Variants in FBXO31 observed in about 807,000 individuals in gnomAD.
The protein encoded by FBXO31 is F-box protein 31.
Under a neutral mutation model 54.4 loss-of-function variants are expected in FBXO31, and 24 were observed. That is an observed-to-expected ratio of 0.44 (90% CI 0.32 to 0.62). FBXO31 has a LOEUF of 0.62. FBXO31 is among the 20% of genes least tolerant of loss of function. The pLI is 0.05. For synonymous variants in FBXO31, 388 were observed against 335.6 expected (o/e 1.16, Z -1.71); for missense variants, 665 against 787.1 (o/e 0.84, Z 1.86).
At chr16:87,367,166 T>C (rs899439191) in intron 1 of FBXO31, 1 of 152,010 alleles carries the variant, frequency 6.6e-6, no homozygotes, top group African/African-American at 2.4e-5. Flanking sequence ...TGAGACCCTG[T>C]CTCAAAAAAA....
intron 1 of FBXO31, among the ~76,000 whole-genome samples, chr16:87,361,738 G>A (rs926673920): frequency 7.2e-5 from 11 of 152,130 alleles, no homozygotes; most frequent in African/African-American, 2.7e-4. Flanking sequence ...CTAACTGGAA[G>A]CACTGACCGT....
At chr16:87,388,601 G>C (rs1326636084), upstream of FBXO31, 4 of 152,144 alleles carry the variant, frequency 2.6e-5, no homozygotes, top group African/African-American at 9.7e-5. Context: ...AAATAACCCC[G>C]ATGCTTTCTG....
intron 5 of FBXO31, among the ~76,000 whole-genome samples, chr16:87,337,232 C>T (rs1225748279): frequency 6.6e-6 from 1 of 152,196 alleles, no homozygotes; most frequent in East Asian, 1.9e-4. Flanking sequence ...ATAAATGTTA[C>T]AAAATACGTT....
Position 87,336,617 on chromosome 16 carries a change from C to T in FBXO31, c.733-353G>A, listed in dbSNP as rs1352365000. On this transcript the variant is annotated intron_variant, in intron 5 of 8. Transcript: ENST00000311635. The surrounding 1 kb of genome is among the most constrained non-coding windows in gnomAD (Gnocchi z 6.5). The stretch of plus-strand genomic sequence containing the variant: ...CCCACCGGTGGGGCAGGAACAGCAT[C>T]TACACAGACTCTGGCCCTGCACAGC... Among the ~76,000 whole-genome samples the T allele has an allele frequency of 1.3e-5, 2 of 152,090 alleles. No individual in the cohort carries two copies. Among genetic ancestry groups the T allele is most frequent in the African/African-American group, 4.8e-5 (2 of 41,414 alleles).
rs1567494960 is a variant in FBXO31 at position 87,389,068 on chromosome 16, TACTC to T, written c.-177+665_-177+668del. On this transcript the variant is annotated intron_variant, in intron 1 of 8. Coordinates refer to the FBXO31 transcript ENST00000618298. ...TGGGTCACATGAAATGTTTCATAAA[TACTC>T]AAGCACACTTATGCTTCCAAAAGTT... 3.3e-5 allele frequency among the ~76,000 whole-genome samples: 5 copies of T among 152,252 alleles called. No homozygotes were observed. The South Asian group carries it at 8.3e-4, about 25-fold the overall frequency.
chr16:87,361,405 G>A (rs907120903), intron 1 of FBXO31, among the ~76,000 whole-genome samples: 3 of 152,216 alleles, frequency 2.0e-5, no homozygotes, highest in Admixed American at 6.5e-5. Context: ...ACAGGAGACG[G>A]GACGAGGTGG....
chr16:87,385,644 G>A (rs186575715), upstream of FBXO31, among the ~76,000 whole-genome samples: 1 of 152,298 alleles, frequency 6.6e-6, no homozygotes, highest in Admixed American at 6.5e-5. Flanking sequence ...TTGAGGAAAT[G>A]ACATTTATAA....
At chr16:87,377,488 A>C (rs542070383) in intron 1 of FBXO31, among the ~76,000 whole-genome samples, 1 of 152,306 alleles carries the variant, frequency 6.6e-6, no homozygotes, top group South Asian at 2.1e-4. Context: ...CTATAAATGA[A>C]GTTGAAAAGC....
At position 87,336,124 on chromosome 16, in the gene FBXO31, T is replaced by A. The variant is rs1905039483; in HGVS notation, c.842+31A>T. On this transcript the variant is annotated intron_variant, in intron 6 of 8. Coordinates refer to ENST00000311635, the MANE Select transcript of FBXO31 (RefSeq NM_024735.5). This position sits in a 1 kb window ranked among gnomAD's most constrained non-coding sequence, Gnocchi z 6.5. ...TCCCCAGCACACACCAGGAGAGGGCTACCCCAGCACCGAGCAGGAGCCGCA... is the reference window on the plus strand; with the variant it reads ...TCCCCAGCACACACCAGGAGAGGGCAACCCCAGCACCGAGCAGGAGCCGCA... The A allele has an allele frequency of 3.8e-6, 6 of 1,584,770 alleles. No homozygotes were observed. The highest frequency in any genetic ancestry group is 5.2e-6 in the Non-Finnish European group (6 of 1,154,226).
chr16:87,343,252 C>T (rs891568994), intron 4 of FBXO31, among the ~76,000 whole-genome samples: 4 of 152,254 alleles, frequency 2.6e-5, no homozygotes, highest in Non-Finnish European at 5.9e-5. Flanking sequence ...ACACGCTGTG[C>T]TCACCGTGGG....
rs565815428 is a variant in FBXO31, at chr16:87,364,008, G to A, written c.341-3642C>T. 3.9e-5 allele frequency among the ~76,000 whole-genome samples: 6 copies of A among 152,354 alleles called. No individual in the cohort carries two copies. In the East Asian group the frequency reaches 1.2e-3, roughly 29 times the overall value. ...AAAGACGCTGATGCAGAGCAAGGAC[G>A]GGGAGGGCAGGGCTGGCGGGGTGAG... On this transcript the variant is annotated intron_variant, in intron 1 of 8. Transcript: ENST00000311635.
intron 2 of FBXO31, among the ~76,000 whole-genome samples, chr16:87,359,789 C>T (rs993012398): frequency 6.6e-6 from 1 of 152,196 alleles, no homozygotes; most frequent in Non-Finnish European, 1.5e-5. Context: ...GTGAGTGTCA[C>T]AGTTGACTCT....
At chr16:87,362,409 G>A (rs1264804438) in intron 1 of FBXO31, 2 of 151,934 alleles carry the variant, frequency 1.3e-5, no homozygotes, top group African/African-American at 4.8e-5. Context: ...TTTAGAAATG[G>A]AGTCTCATGT....
chr16:87,359,075 A>G (rs78423430), intron 2 of FBXO31, among the ~76,000 whole-genome samples: 1 of 152,250 alleles, frequency 6.6e-6, no homozygotes, highest in Non-Finnish European at 1.5e-5. Flanking sequence ...GCAAATTCAC[A>G]GAAACACAGT....
At position 87,346,282 on chromosome 16, in the gene FBXO31, AG is replaced by A. The variant is rs1465624169; in HGVS notation, c.489+891del. Among the ~76,000 whole-genome samples the A allele has an allele frequency of 6.6e-6, 1 of 151,892 alleles. No individual in the cohort carries two copies. The highest frequency in any genetic ancestry group is 1.5e-5 in the Non-Finnish European group (1 of 67,962). The stretch of plus-strand genomic sequence containing the variant: ...GGGGCCAGGGCCTCTTGAGGAGACC[AG>A]GCCACGGCACCCAGCAAGTGCCCAG... On this transcript the variant is annotated intron_variant, in intron 3 of 8. Coordinates refer to ENST00000311635, the MANE Select transcript of FBXO31 (RefSeq NM_024735.5). The surrounding 1 kb of genome is among the most constrained non-coding windows in gnomAD (Gnocchi z 4.2).
chr16:87,331,526 A>G lies in FBXO31; in HGVS notation c.1398-16T>C. On this transcript the variant is annotated splice_polypyrimidine_tract_variant and intron_variant, in intron 8 of 8. Transcript: ENST00000311635. Reference sequence around the variant, plus strand: ...GCCATAAAAACTGAGCAGAAACAAGAGGGAAACTGTGAGCTGGGGGAGGGC... The same window carrying G: ...GCCATAAAAACTGAGCAGAAACAAGGGGGAAACTGTGAGCTGGGGGAGGGC... 6.3e-7 allele frequency: 1 copy of G among 1,583,336 alleles called. No homozygotes were observed. The highest frequency in any genetic ancestry group is 8.6e-7 in the Non-Finnish European group (1 of 1,159,696).
Position 87,342,911 on chromosome 16 carries a change from G to C in FBXO31, c.698C>G (p.Thr233Arg). The C allele has an allele frequency of 1.2e-6, 2 of 1,607,852 alleles. No individual in the cohort carries two copies. The highest frequency in any genetic ancestry group is 1.7e-6 in the Non-Finnish European group (2 of 1,177,414). ...CCCGCCGGACATCCTGTGGTGGTCC[G>C]TCTGGTTGCACTTGGTGGAGAACTC... is the stretch of plus-strand genomic sequence containing the variant. ...KDEFSTKCNQ[T>R]DHHRMSGGRQ... is the part of the protein sequence containing the mutation. The change falls in exon 5 of 9, where the codon ACG (threonine) becomes AGG (arginine). Residue 233 changes from threonine (T) to arginine (R), a missense_variant. Around this residue, in one of 4 missense-constraint regions of FBXO31, gnomAD observed 234 missense variants for 346.8 expected, o/e 0.67. Transcript: ENST00000311635.
intron 8 of FBXO31, among the ~76,000 whole-genome samples, chr16:87,332,078 C>T (rs1034199676): frequency 6.6e-6 from 1 of 152,172 alleles, no homozygotes; most frequent in African/African-American, 2.4e-5. Flanking sequence ...TAAATTCTTC[C>T]AACAGATGAC....
intron 1 of FBXO31, among the ~76,000 whole-genome samples, chr16:87,360,605 A>G (rs985443630): frequency 6.6e-6 from 1 of 152,262 alleles, no homozygotes; most frequent in Admixed American, 6.5e-5. Flanking sequence ...ATAATCTGCA[A>G]TGTCTATTCT....
Sources: gnomAD v4.1 joint callset for allele counts (sites outside exome capture counted in the v4.1 genomes callset) on GRCh38, gnomAD v4.1.1 for gene constraint, gnomAD v4.1.1 regional missense constraint, Gnocchi (gnomAD v3.1) non-coding constraint, MANE v1.5 for transcripts, NCBI Gene and HGNC (gene_info 2026-07-23, HGNC 2026-07-21) for gene names.